The following PAG1 variants were observed in gnomAD, a reference collection of about 807,000 sequenced individuals.
The protein encoded by PAG1 is phosphoprotein associated with glycosphingolipid-enriched microdomains 1.
PAG1 carries 23 observed loss-of-function variants against 31.7 expected under a neutral mutation model. The observed-to-expected ratio is 0.73, with a 90% CI of 0.52 to 1.03. The LOEUF is 1.03. PAG1 is among the 50% of genes least tolerant of loss of function. The pLI is 0.00. For synonymous variants in PAG1, 214 were observed against 210.3 expected, an observed-to-expected ratio of 1.02 and a Z score of -0.15; for missense variants, 473 against 540.7, an observed-to-expected ratio of 0.87 and a Z score of 1.24.
chr8:81,029,388 A>ACC lies in PAG1; in HGVS notation c.-81+606_-81+607dup, dbSNP rs1281554081. Among the ~76,000 whole-genome samples the ACC allele has an allele frequency of 7.4e-3, 1,091 of 146,774 alleles. 15 individuals carry two copies. Among genetic ancestry groups the ACC allele is most frequent in the African/African-American group, 0.026 (1,033 of 40,476 alleles). ...CTCACACACACACACACACACACAC[A>ACC]CCCCTCCCCACAAGAGGCATTAAAG... On this transcript the variant is annotated intron_variant, in intron 3 of 8. Coordinates refer to ENST00000220597, the MANE Select transcript of PAG1 (RefSeq NM_018440.4).
Position 80,985,202 on chromosome 8 carries a change from A to G in PAG1, c.450T>C (p.Ser150=), listed in dbSNP as rs934585732. The G allele has an allele frequency of 8.7e-6, 14 of 1,613,544 alleles. No individual in the cohort carries two copies. The highest frequency in any genetic ancestry group is 1.2e-5 in the Non-Finnish European group (14 of 1,179,910). ...TCCCCAGCCCCTGGTCCCCGTCCAC[A>G]CTTCTCGCCGTGAGCATGGTATCCA... ...SAVDTMLTAR[S]VDGDQGLGME... is the part of the protein sequence containing the mutation. The change falls in exon 7 of 9, where the codon AGT becomes AGC. Residue 150 remains serine (S), a synonymous_variant. Coordinates refer to ENST00000220597, the MANE Select transcript of PAG1 (RefSeq NM_018440.4).
chr8:80,976,365 T>C lies in PAG1; in HGVS notation c.*179A>G. On this transcript the variant is annotated 3_prime_UTR_variant, in exon 9 of 9. Transcript: ENST00000220597. The stretch of plus-strand genomic sequence containing the variant: ...AGGGGCACACTCAGGTGCAGCCTAG[T>C]CCGTACCTCTCTGTCTCAGAAACTG... 1.6e-6 allele frequency: 1 copy of C among 629,690 alleles called. No homozygotes were observed. Among genetic ancestry groups the C allele is most frequent in the Non-Finnish European group, 2.7e-6 (1 of 369,360 alleles). 39.0% of individuals were successfully genotyped at this position (629,690 alleles called of 1,614,324 possible).
chr8:81,083,911 T>TGTA (rs1809309421), intron 1 of PAG1, among the ~76,000 whole-genome samples: 1 of 152,020 alleles, frequency 6.6e-6, no homozygotes, highest in South Asian at 2.1e-4. Flanking sequence ...GGTGCATGCC[T>TGTA]GTAATCCCAG....
intron 1 of PAG1, among the ~76,000 whole-genome samples, chr8:81,105,132 G>T (rs1436512015): frequency 6.6e-6 from 1 of 152,006 alleles, no homozygotes; most frequent in Non-Finnish European, 1.5e-5. Context: ...ATCAAGCCCG[G>T]CTGCGTTAGG....
chr8:80,994,108 TCCACTGCCATCTCTCATCTCCCTAC>T lies in PAG1; in HGVS notation c.-80-826_-80-802del, dbSNP rs1187427992. Among the ~76,000 whole-genome samples the T allele has an allele frequency of 4.0e-3, 608 of 151,784 alleles. 4 individuals carry two copies. The highest frequency in any genetic ancestry group is 0.013 in the African/African-American group (548 of 41,374). On this transcript the variant is annotated intron_variant, in intron 3 of 8. Coordinates refer to ENST00000220597, the MANE Select transcript of PAG1 (RefSeq NM_018440.4). ...CCACTGCCATCTCTAATCTCCCTAA[TCCACTGCCATCTCTCATCTCCCTAC>T]CCACTGCCATCTCTCATCTCCCTCA...
At chr8:81,004,514 GA>G (rs1196693916) in intron 3 of PAG1, among the ~76,000 whole-genome samples, 1 of 152,174 alleles carries the variant, frequency 6.6e-6, no homozygotes, top group Non-Finnish European at 1.5e-5. Flanking sequence ...CCATGAATAT[GA>G]AACAATATTG....
intron 2 of PAG1, among the ~76,000 whole-genome samples, chr8:81,036,681 T>C (rs545581615): frequency 6.6e-6 from 1 of 152,346 alleles, no homozygotes; most frequent in South Asian, 2.1e-4. Flanking sequence ...CCTCGGATTC[T>C]TGTTTTCATC....
chr8:81,088,113 C>T (rs1809389214), intron 1 of PAG1, among the ~76,000 whole-genome samples: 1 of 152,108 alleles, frequency 6.6e-6, no homozygotes. Context: ...TCTGGGTGTG[C>T]TTCTTTAATT....
At chr8:81,067,288 G>A (rs1482697249) in intron 2 of PAG1, among the ~76,000 whole-genome samples, 1 of 152,218 alleles carries the variant, frequency 6.6e-6, no homozygotes, top group Non-Finnish European at 1.5e-5. Context: ...TCTTCCTTGA[G>A]AGTATTAAAT....
chr8:80,971,702 T>C lies in PAG1; in HGVS notation c.*4842A>G, dbSNP rs1807081541. 1 of 152,230 alleles carries C rather than the reference T, an allele frequency of 6.6e-6. No individual in the cohort carries two copies. The highest frequency in any genetic ancestry group is 6.5e-5 in the Admixed American group (1 of 15,284). 9.4% of individuals were successfully genotyped at this position (152,230 alleles called of 1,614,324 possible). ...AAATGTCTTTTAAGCAAAAATTGTA[T>C]TTCTCTTTTCATGTTACATTAAGAA... On this transcript the variant is annotated 3_prime_UTR_variant, in exon 9 of 9. Transcript: ENST00000220597.
intron 2 of PAG1, among the ~76,000 whole-genome samples, chr8:81,045,706 A>G (rs1232522455): frequency 2.0e-5 from 3 of 152,258 alleles, no homozygotes; most frequent in Non-Finnish European, 4.4e-5. Flanking sequence ...CTATATCTCA[A>G]TAAGTTGTTT....
rs577808072 is a variant in PAG1 at position 80,989,273 on chromosome 8, T to G, written c.178-1807A>C. 1.6e-3 allele frequency among the ~76,000 whole-genome samples: 241 copies of G among 152,236 alleles called. 1 individual carries two copies. The highest frequency in any genetic ancestry group is 2.6e-3 in the Non-Finnish European group (176 of 68,012). The stretch of plus-strand genomic sequence containing the variant: ...GGAACTTGCAATGCAGGTGCTAATA[T>G]CCCAGAAATGATGTTATAAATGGGC... On this transcript the variant is annotated intron_variant, in intron 5 of 8. Coordinates refer to ENST00000220597, the MANE Select transcript of PAG1 (RefSeq NM_018440.4).
chr8:81,077,445 A>G (rs1809196731), intron 1 of PAG1, among the ~76,000 whole-genome samples: 1 of 152,218 alleles, frequency 6.6e-6, no homozygotes, highest in African/African-American at 2.4e-5. Flanking sequence ...ATAAATAACA[A>G]CCCACAGATT....
chr8:80,998,177 T>C (rs1246622706), intron 3 of PAG1, among the ~76,000 whole-genome samples: 2 of 145,086 alleles, frequency 1.4e-5, no homozygotes, highest in Admixed American at 7.1e-5. Context: ...GTCGCTAGGC[T>C]GGAGTGCAGT....
intron 1 of PAG1, among the ~76,000 whole-genome samples, chr8:81,099,181 T>C (rs910859246): frequency 6.6e-6 from 1 of 152,254 alleles, no homozygotes; most frequent in Non-Finnish European, 1.5e-5. Context: ...AGCTGAATTC[T>C]GAAAGACATT....
chr8:81,045,874 T>C (rs1443750066), intron 2 of PAG1, among the ~76,000 whole-genome samples: 1 of 152,244 alleles, frequency 6.6e-6, no homozygotes, highest in Admixed American at 6.5e-5. Flanking sequence ...ATGTTTATAG[T>C]ATCTGAAAGA....
At position 80,967,889 on chromosome 8, in the gene PAG1, CT is replaced by C. The variant is rs1445899391; in HGVS notation, c.*8654del. The C allele has an allele frequency of 2.6e-5, 4 of 152,150 alleles. No individual in the cohort carries two copies. The highest frequency in any genetic ancestry group is 7.2e-5 in the African/African-American group (3 of 41,432). 9.4% of individuals were successfully genotyped at this position (152,150 alleles called of 1,614,324 possible). A position where few individuals can be genotyped will look rare whatever the true frequency, so the allele number is the denominator to read the frequency against. On this transcript the variant is annotated 3_prime_UTR_variant, in exon 9 of 9. Transcript: ENST00000220597. ...AGTGCCTTTAATTACAACATACCTG[CT>C]ATTTACATGTAATCATACTTTTATA...
At chr8:80,989,202 C>T (rs528433642) in intron 5 of PAG1, among the ~76,000 whole-genome samples, 1 of 152,322 alleles carries the variant, frequency 6.6e-6, no homozygotes, top group Admixed American at 6.5e-5. Context: ...AGCTCATTCA[C>T]GTCTGATGAG....
At chr8:81,073,737 T>G (rs1009198945) in intron 1 of PAG1, among the ~76,000 whole-genome samples, 1 of 152,234 alleles carries the variant, frequency 6.6e-6, no homozygotes, top group African/African-American at 2.4e-5. Flanking sequence ...ATCTTTCTAG[T>G]GGAGGTGGGG....
Sources: allele counts gnomAD v4.1 joint callset (sites outside exome capture counted in the v4.1 genomes callset), GRCh38; gene constraint gnomAD v4.1.1; transcripts MANE v1.5; gene names NCBI Gene and HGNC (gene_info 2026-07-23, HGNC 2026-07-21).